The following CEP350 variants were observed in gnomAD, a reference collection of about 807,000 sequenced individuals.
The protein encoded by CEP350 is centrosome-associated protein 350.
CEP350 carries 126 observed loss-of-function variants against 331.8 expected under a neutral mutation model. That is an observed-to-expected ratio of 0.38 (90% CI 0.33 to 0.44). The LOEUF (loss-of-function observed/expected upper bound fraction) is 0.44. Among genes scored for constraint, CEP350 ranks in the 20% least tolerant of loss-of-function variants. The pLI, the probability that CEP350 is intolerant of heterozygous loss-of-function variation, is 1.00. For missense variants in CEP350, 3,406 were observed against 3,634.6 expected (o/e 0.94, Z 1.62); for synonymous variants, 1,200 against 1,259.5 (o/e 0.95, Z 1.00).
Position 180,020,726 on chromosome 1 carries a change from AGGGCCTCTTCTTAGTGAG to A in CEP350, c.2956_2973del (p.Pro986_Gly991del). ...GTTCCAGCATAGATTCAGTCAGTGA[AGGGCCTCTTCTTAGTGAG>A]GGGAGTCTCTCTGAAGAAGAGGGAG... is the stretch of plus-strand genomic sequence containing the variant. On this transcript the variant is annotated inframe_deletion, in exon 12 of 38. Transcript: ENST00000367607. 2 of 1,614,058 alleles carry A rather than the reference AGGGCCTCTTCTTAGTGAG, an allele frequency of 1.2e-6. No individual in the cohort carries two copies. Among genetic ancestry groups the A allele is most frequent in the Non-Finnish European group, 1.7e-6 (2 of 1,179,894 alleles).
At chr1:180,034,121 T>C (rs768629792) in intron 16 of CEP350, 39 bp downstream of exon 16, 6 of 1,573,386 alleles carry the variant, frequency 3.8e-6, no homozygotes, top group South Asian at 1.2e-5. Flanking sequence ...TAGAATACGA[T>C]ATGAAATTTT....
intron 37 of CEP350, among the ~76,000 whole-genome samples, chr1:180,102,183 T>C (rs1313383012): frequency 6.6e-6 from 1 of 151,190 alleles, no homozygotes; most frequent in East Asian, 1.9e-4. Flanking sequence ...TTACCCAGGC[T>C]GGAGTGCAGT....
chr1:180,065,223 A>G lies in CEP350; in HGVS notation c.5518A>G (p.Ser1840Gly). The G allele has an allele frequency of 6.2e-7, 1 of 1,613,800 alleles. No individual in the cohort carries two copies. Residue 1840 changes from serine (S) to glycine (G), a missense_variant, in exon 27 of 38, where the codon AGC (serine) becomes GGC (glycine). By Grantham distance (56) the Ser-to-Gly change is moderately conservative. This residue lies in a region of CEP350 where 1,415 missense variants were observed against 1,512.3 expected (regional missense o/e 0.94). Coordinates refer to ENST00000367607, the MANE Select transcript of CEP350 (RefSeq NM_014810.5). Reference protein sequence around the residue: ...SPISISSSETSSIMQKLKKMR... With the variant: ...SPISISSSETGSIMQKLKKMR... ...CATTTCAATCTCCAGCAGTGAAACT[A>G]GCAGCATTATGCAGAAACTGAAGAA...
At chr1:180,015,741 C>A (rs1654932256) in intron 10 of CEP350, 108 bp from the exon 11 acceptor site, 3 of 1,283,944 alleles carry the variant, frequency 2.3e-6, no homozygotes, top group South Asian at 3.6e-5. Flanking sequence ...AAAACCACTA[C>A]ATTTTATGAT....
chr1:179,999,438 CATT>C (rs1270992058), intron 6 of CEP350, among the ~76,000 whole-genome samples: 1 of 151,902 alleles, frequency 6.6e-6, no homozygotes, highest in Middle Eastern at 3.2e-3. Context: ...TTTGAGAACT[CATT>C]ATAGAATATG....
chr1:180,072,874 A>C (rs1005435218), intron 27 of CEP350, among the ~76,000 whole-genome samples: 4 of 152,206 alleles, frequency 2.6e-5, no homozygotes, highest in African/African-American at 9.6e-5. Context: ...CTTGATCTAC[A>C]AGTTATTGTC....
intron 13 of CEP350, among the ~76,000 whole-genome samples, chr1:180,023,750 T>G (rs555644969): frequency 6.6e-6 from 1 of 152,324 alleles, no homozygotes; most frequent in South Asian, 2.1e-4. Flanking sequence ...TGAATCAGAC[T>G]TCGTTGGAGA....
chr1:180,102,690 A>G (rs1190477568), intron 37 of CEP350, among the ~76,000 whole-genome samples: 2 of 152,304 alleles, frequency 1.3e-5, no homozygotes, highest in Middle Eastern at 3.4e-3. Context: ...GCATCTACCT[A>G]AAGTACACAC....
intron 37 of CEP350, among the ~76,000 whole-genome samples, chr1:180,110,160 TATTC>T (rs1661394502): frequency 6.6e-6 from 1 of 152,228 alleles, no homozygotes; most frequent in Non-Finnish European, 1.5e-5. Flanking sequence ...TAACAAGTGT[TATTC>T]ATTTATTATA....
intron 1 of CEP350, among the ~76,000 whole-genome samples, chr1:179,981,793 T>G (rs1346611718): frequency 6.6e-6 from 1 of 151,776 alleles, no homozygotes. Context: ...AACCCACGAA[T>G]TTGAGGCCAG....
rs1453457590 is a variant in CEP350, at chr1:180,093,766, A to G, written c.7661A>G (p.His2554Arg). 55 of 1,613,808 alleles carry G rather than the reference A, an allele frequency of 3.4e-5. 1 individual carries two copies. The highest frequency in any genetic ancestry group is 4.4e-5 in the Non-Finnish European group (52 of 1,179,794). ...GIAYFECKEK[H>R]GIFAPPQKIS... ...GCATATTTTGAGTGCAAAGAAAAGC[A>G]TGGTATTTTTGCTCCTCCTCAAAAA... The change falls in exon 34 of 38, where the codon CAT becomes CGT. Residue 2554 changes from histidine to arginine, a missense_variant. His to Arg is a conservative substitution (Grantham distance 29, BLOSUM62 0). This residue lies in a region of CEP350 where 1,415 missense variants were observed against 1,512.3 expected (regional missense o/e 0.94). Coordinates refer to ENST00000367607, the MANE Select transcript of CEP350 (RefSeq NM_014810.5).
intron 1 of CEP350, among the ~76,000 whole-genome samples, chr1:179,982,598 T>G (rs1353173612): frequency 6.6e-6 from 1 of 152,248 alleles, no homozygotes; most frequent in East Asian, 1.9e-4. Context: ...AGTTTTTGAT[T>G]ATTTATTATA....
intron 7 of CEP350, 47 bp from the exon 8 acceptor site, chr1:180,006,407 G>A: frequency 3.2e-6 from 3 of 934,732 alleles, no homozygotes; most frequent in Non-Finnish European, 5.1e-6. Flanking sequence ...ATAAGTGAGG[G>A]AATGAAAATC....
chr1:179,988,614 C>G (rs975668961), intron 3 of CEP350, among the ~76,000 whole-genome samples: 1 of 151,708 alleles, frequency 6.6e-6, no homozygotes, highest in African/African-American at 2.4e-5. Context: ...CCAATCTTGT[C>G]TAAAGTTTAG....
At chr1:180,066,179 G>A (rs1350039375) in intron 27 of CEP350, among the ~76,000 whole-genome samples, 2 of 152,116 alleles carry the variant, frequency 1.3e-5, no homozygotes, top group African/African-American at 4.8e-5. Context: ...CATATAAAAT[G>A]AAATTTATGT....
rs1215970870 is a variant in CEP350, at chr1:180,015,947, A to C, written c.2151A>C (p.Ser717=). 1 of 1,613,904 alleles carries C rather than the reference A, an allele frequency of 6.2e-7. No individual in the cohort carries two copies. ...CTTCCAGTAGTGACATGTCTCTCTC[A>C]GAACCTCCACAGCCTCTTGCAAGGT... is the stretch of plus-strand genomic sequence containing the variant. ...SASSSSDMSL[S]EPPQPLARKD... Residue 717 remains serine (S), a synonymous_variant, in exon 11 of 38, where the codon TCA becomes TCC. Transcript: ENST00000367607.
intron 15 of CEP350, among the ~76,000 whole-genome samples, chr1:180,033,281 C>G (rs1277640355): frequency 1.3e-5 from 2 of 151,784 alleles, no homozygotes; most frequent in East Asian, 3.9e-4. Context: ...TGTTATGTTA[C>G]TTATTAGAAA....
At position 180,014,377 on chromosome 1, in the gene CEP350, A is replaced by G. The variant is rs373065154; in HGVS notation, c.1924A>G (p.Lys642Glu). 3.1e-6 allele frequency: 5 copies of G among 1,596,358 alleles called. No individual in the cohort carries two copies. The highest frequency in any genetic ancestry group is 2.3e-5 in the East Asian group (1 of 44,442). ...LYRKQKEAFTKVKNVPPSEPS... is the reference protein window; with the variant it reads ...LYRKQKEAFTEVKNVPPSEPS... ...CCGGAAGCAGAAGGAAGCCTTTACTAAAGTAAAAAATGTCCCTCCTTCTGA... is the reference window on the plus strand; with the variant it reads ...CCGGAAGCAGAAGGAAGCCTTTACTGAAGTAAAAAATGTCCCTCCTTCTGA... The change falls in exon 10 of 38, where the codon AAA becomes GAA. Residue 642 changes from lysine to glutamate, a missense_variant. Coordinates refer to ENST00000367607, the MANE Select transcript of CEP350 (RefSeq NM_014810.5).
intron 6 of CEP350, among the ~76,000 whole-genome samples, chr1:179,998,009 CTTT>C (rs56355350): frequency 4.8e-5 from 7 of 147,120 alleles, no homozygotes; most frequent in Non-Finnish European, 6.0e-5. Context: ...CTCTTTAGAG[CTTT>C]TTTTTTTTTT....
Sources: gnomAD v4.1 joint callset for allele counts (sites outside exome capture counted in the v4.1 genomes callset) on GRCh38, gnomAD v4.1.1 for gene constraint, gnomAD v4.1.1 regional missense constraint, MANE v1.5 for transcripts, NCBI Gene and HGNC (gene_info 2026-07-23, HGNC 2026-07-21) for gene names.